The following SENP7 variants were observed in gnomAD, a reference collection of about 807,000 sequenced individuals.
The protein encoded by SENP7 is sentrin-specific protease 7.
Under a neutral mutation model 141.2 loss-of-function variants are expected in SENP7, and 64 were observed. That is an observed-to-expected ratio of 0.45 (90% CI 0.37 to 0.56). The LOEUF is 0.56. SENP7 is among the 20% of genes least tolerant of loss of function. SENP7 has a pLI of 0.00. For synonymous variants in SENP7, 382 were observed against 426.4 expected, an observed-to-expected ratio of 0.90 and a Z score of 1.28; for missense variants, 1,025 against 1,212.2, an observed-to-expected ratio of 0.85 and a Z score of 2.29.
At chr3:101,361,313 C>A (rs112066688) in intron 11 of SENP7, among the ~76,000 whole-genome samples, 1 of 151,770 alleles carries the variant, frequency 6.6e-6, no homozygotes, top group Non-Finnish European at 1.5e-5. Context: ...AGAAAAACAG[C>A]GTAGGATTAG....
intron 4 of SENP7, among the ~76,000 whole-genome samples, chr3:101,447,880 A>G (rs1288508903): frequency 1.3e-5 from 2 of 152,222 alleles, no homozygotes; most frequent in Non-Finnish European, 2.9e-5. Context: ...GCATATGGAC[A>G]GACATACAGA....
chr3:101,452,733 T>TAA (rs2063190563), intron 4 of SENP7, among the ~76,000 whole-genome samples: 2 of 152,210 alleles, frequency 1.3e-5, no homozygotes, highest in Admixed American at 1.3e-4. Flanking sequence ...ATTAAAGACT[T>TAA]ACATGTTAGA....
intron 1 of SENP7, among the ~76,000 whole-genome samples, chr3:101,510,899 C>T (rs2065830642): frequency 6.9e-6 from 1 of 145,804 alleles, no homozygotes; most frequent in Non-Finnish European, 1.5e-5. Context: ...CAACAACTTA[C>T]AATGAAATGG....
intron 3 of SENP7, among the ~76,000 whole-genome samples, chr3:101,473,127 T>C (rs1427123780): frequency 6.6e-6 from 1 of 152,218 alleles, no homozygotes; most frequent in African/African-American, 2.4e-5. Context: ...CTTTATCCAG[T>C]AAAACATTAC....
At chr3:101,426,123 CAG>C (rs1320663982) in intron 4 of SENP7, among the ~76,000 whole-genome samples, 1 of 152,108 alleles carries the variant, frequency 6.6e-6, no homozygotes, top group Non-Finnish European at 1.5e-5. Flanking sequence ...CCAACCTAGT[CAG>C]AGAGGCCAAC....
intron 4 of SENP7, among the ~76,000 whole-genome samples, chr3:101,437,501 A>T (rs1209620344): frequency 6.6e-6 from 1 of 152,154 alleles, no homozygotes; most frequent in African/African-American, 2.4e-5. Context: ...TATACACCTA[A>T]TATGTACCCA....
At chr3:101,445,703 A>T (rs2062864243) in intron 4 of SENP7, among the ~76,000 whole-genome samples, 1 of 152,200 alleles carries the variant, frequency 6.6e-6, no homozygotes, top group African/African-American at 2.4e-5. Context: ...TATATATATC[A>T]CACAAATGAA....
At chr3:101,391,233 T>C (rs958198357) in intron 6 of SENP7, among the ~76,000 whole-genome samples, 2 of 150,724 alleles carry the variant, frequency 1.3e-5, no homozygotes, top group Non-Finnish European at 1.5e-5. Context: ...AACAAAAAGA[T>C]AATAAAGTCA....
intron 4 of SENP7, among the ~76,000 whole-genome samples, chr3:101,419,948 C>T (rs1041844392): frequency 2.6e-5 from 4 of 152,180 alleles, no homozygotes; most frequent in South Asian, 2.1e-4. Context: ...CTAAGTAAAA[C>T]GAGTGAGTAG....
chr3:101,485,611 A>G (rs540221112), intron 3 of SENP7, among the ~76,000 whole-genome samples: 25 of 152,292 alleles, frequency 1.6e-4, no homozygotes, highest in African/African-American at 6.0e-4. Flanking sequence ...TCTGAGCAAC[A>G]GCCTTCAGCC....
chr3:101,393,459 C>G (rs551848619), intron 6 of SENP7, among the ~76,000 whole-genome samples: 1 of 151,642 alleles, frequency 6.6e-6, no homozygotes, highest in African/African-American at 2.4e-5. Flanking sequence ...ACGTACATAT[C>G]TAAAATATGT....
At chr3:101,479,072 A>G (rs62280736) in intron 3 of SENP7, among the ~76,000 whole-genome samples, 2,008 of 152,328 alleles carry the variant, frequency 0.013, 20 homozygotes, top group Non-Finnish European at 0.016. Context: ...AAGGTCATAT[A>G]TTACAAATCC....
chr3:101,376,051 G>C (rs777653970), intron 6 of SENP7, among the ~76,000 whole-genome samples: 8 of 152,134 alleles, frequency 5.3e-5, no homozygotes, highest in Non-Finnish European at 1.2e-4. Flanking sequence ...ACAACAATAT[G>C]GATGAACTTT....
chr3:101,440,883 G>A (rs1042224647), intron 4 of SENP7, among the ~76,000 whole-genome samples: 6 of 152,168 alleles, frequency 3.9e-5, no homozygotes, highest in Non-Finnish European at 7.3e-5. Flanking sequence ...TAAATTTGAT[G>A]AGTAAAATAA....
At chr3:101,507,459 C>G (rs1334708943) in intron 1 of SENP7, among the ~76,000 whole-genome samples, 1 of 152,194 alleles carries the variant, frequency 6.6e-6, no homozygotes, top group Non-Finnish European at 1.5e-5. Flanking sequence ...TCATCTACAT[C>G]TTCTTCATCT....
intron 7 of SENP7, among the ~76,000 whole-genome samples, chr3:101,369,477 T>C (rs2107416570): frequency 6.6e-6 from 1 of 152,286 alleles, no homozygotes; most frequent in East Asian, 1.9e-4. Context: ...AATTCCAAGA[T>C]AGTCAATCGC....
intron 4 of SENP7, among the ~76,000 whole-genome samples, chr3:101,427,490 CAA>C (rs55677738): frequency 3.1e-4 from 31 of 100,996 alleles, no homozygotes; most frequent in East Asian, 1.2e-3. Flanking sequence ...ACACTGTCTC[CAA>C]AAAAAAAAAA....
At chr3:101,375,696 T>G (rs1192569532) in intron 6 of SENP7, among the ~76,000 whole-genome samples, 1 of 151,710 alleles carries the variant, frequency 6.6e-6, no homozygotes, top group Non-Finnish European at 1.5e-5. Flanking sequence ...CTATTCACAA[T>G]AGCCAAAAGG....
Position 101,430,242 on chromosome 3 carries a change from G to T in SENP7, c.285-12452C>A, listed in dbSNP as rs535919086. Among the ~76,000 whole-genome samples the T allele has an allele frequency of 3.3e-5, 5 of 152,242 alleles. No individual in the cohort carries two copies. The East Asian group carries it at 7.7e-4, about 23-fold the overall frequency. On this transcript the variant is annotated intron_variant, in intron 4 of 23. Transcript: ENST00000394095. ...GATTTTCCTCTTTTTCTATCGATTGGAATAGTTTCAGAAGGAATGGTACCA... is the reference window on the plus strand; with the variant it reads ...GATTTTCCTCTTTTTCTATCGATTGTAATAGTTTCAGAAGGAATGGTACCA...
Sources: allele counts gnomAD v4.1 joint callset (sites outside exome capture counted in the v4.1 genomes callset), GRCh38; gene constraint gnomAD v4.1.1; transcripts MANE v1.5; gene names NCBI Gene and HGNC (gene_info 2026-07-23, HGNC 2026-07-21).